TMEM132C: variants seen among roughly 807,000 people sequenced by gnomAD.
TMEM132C encodes transmembrane protein 132C, also known as protein phosphatase 1, regulatory subunit 152.
In TMEM132C, 29 loss-of-function variants were observed where a neutral mutation model predicts 61.4. The observed-to-expected ratio is 0.47, with a 90% CI of 0.35 to 0.64. The LOEUF is 0.64. Ranked by LOEUF, TMEM132C falls within the 30% of genes least tolerant of loss-of-function variation. The pLI, the probability that TMEM132C is intolerant of heterozygous loss-of-function variation, is 0.00. For missense variants in TMEM132C, 1,408 were observed against 1,476.9 expected (o/e 0.95, Z 0.76); for synonymous variants, 656 against 633.1 (o/e 1.04, Z -0.54).
At chr12:128,681,137 G>A (rs1343036643) in intron 5 of TMEM132C, among the ~76,000 whole-genome samples, 1 of 151,942 alleles carries the variant, frequency 6.6e-6, no homozygotes, top group Non-Finnish European at 1.5e-5. Context: ...TGAATCCCAT[G>A]CCCAGCTAAT....
intron 5 of TMEM132C, among the ~76,000 whole-genome samples, chr12:128,684,020 C>A (rs1954655877): frequency 6.8e-6 from 1 of 147,274 alleles, no homozygotes; most frequent in Admixed American, 6.8e-5. Flanking sequence ...ATGTTGGTGC[C>A]TCTTATTGAA....
chr12:128,539,359 G>A (rs1261737971), intron 2 of TMEM132C, among the ~76,000 whole-genome samples: 2 of 152,218 alleles, frequency 1.3e-5, no homozygotes, highest in African/African-American at 4.8e-5. Flanking sequence ...TCTCACACCT[G>A]TAATCCCAGC....
intron 2 of TMEM132C, among the ~76,000 whole-genome samples, chr12:128,438,633 C>T (rs1281281921): frequency 6.6e-6 from 1 of 152,182 alleles, no homozygotes; most frequent in Non-Finnish European, 1.5e-5. Context: ...CATAAATTAA[C>T]TATTTTAAAG....
At chr12:128,306,470 G>A (rs1253844060) in intron 1 of TMEM132C, among the ~76,000 whole-genome samples, 6 of 152,130 alleles carry the variant, frequency 3.9e-5, no homozygotes, top group South Asian at 2.1e-4. Flanking sequence ...CCAAAGTGCT[G>A]GGATTACAGG....
chr12:128,321,852 G>A (rs1314860354), intron 1 of TMEM132C, among the ~76,000 whole-genome samples: 3 of 152,180 alleles, frequency 2.0e-5, no homozygotes, highest in African/African-American at 7.2e-5. Context: ...CATTCTCGGA[G>A]ATCACCTCTT....
chr12:128,368,536 C>G (rs555538866), intron 1 of TMEM132C, among the ~76,000 whole-genome samples: 1 of 152,310 alleles, frequency 6.6e-6, no homozygotes, highest in South Asian at 2.1e-4. Flanking sequence ...ATAGTCATCA[C>G]TCTGGAAATG....
chr12:128,321,628 A>G (rs992668194), intron 1 of TMEM132C, among the ~76,000 whole-genome samples: 5 of 152,236 alleles, frequency 3.3e-5, no homozygotes, highest in African/African-American at 1.2e-4. Context: ...ACACAACCAC[A>G]TGTACATGTG....
intron 3 of TMEM132C, among the ~76,000 whole-genome samples, chr12:128,599,886 G>A (rs1018454872): frequency 6.6e-6 from 1 of 152,158 alleles, no homozygotes; most frequent in African/African-American, 2.4e-5. Context: ...GGACCTGGTG[G>A]GAGGTAATTG....
chr12:128,614,847 A>C (rs1876747048), intron 3 of TMEM132C, among the ~76,000 whole-genome samples: 1 of 152,236 alleles, frequency 6.6e-6, no homozygotes, highest in South Asian at 2.1e-4. Flanking sequence ...TTTACTACAC[A>C]GCCAGGGACA....
At chr12:128,700,020 G>T (rs1954793003) in intron 8 of TMEM132C, among the ~76,000 whole-genome samples, 1 of 152,238 alleles carries the variant, frequency 6.6e-6, no homozygotes, top group African/African-American at 2.4e-5. Context: ...GCAGAGGAAA[G>T]TGGGAGAGAG....
At chr12:128,328,071 A>G (rs11059647) in intron 1 of TMEM132C, among the ~76,000 whole-genome samples, 18,446 of 152,020 alleles carry the variant, frequency 0.12, 2,445 homozygotes, top group African/African-American at 0.33. Context: ...AGAGTGCCCT[A>G]GCCAAGGAGA....
At chr12:128,625,553 A>G (rs933927998) in intron 4 of TMEM132C, among the ~76,000 whole-genome samples, 1 of 152,210 alleles carries the variant, frequency 6.6e-6, no homozygotes, top group Non-Finnish European at 1.5e-5. Context: ...CACATCTTAC[A>G]TGGATGGTGG....
intron 3 of TMEM132C, among the ~76,000 whole-genome samples, chr12:128,551,215 C>A (rs184826117): frequency 1.3e-5 from 2 of 151,274 alleles, no homozygotes; most frequent in African/African-American, 2.5e-5. Context: ...AAGAGCCCCC[C>A]CCCTCCCGCT....
intron 2 of TMEM132C, among the ~76,000 whole-genome samples, chr12:128,469,750 A>G (rs7965499): frequency 0.073 from 11,068 of 151,372 alleles, 1,326 homozygotes; most frequent in African/African-American, 0.25. Context: ...ATGTGTGTGT[A>G]TATATATACA....
intron 1 of TMEM132C, among the ~76,000 whole-genome samples, chr12:128,280,700 T>A (rs1870863703): frequency 6.6e-6 from 1 of 152,230 alleles, no homozygotes; most frequent in Non-Finnish European, 1.5e-5. Flanking sequence ...CCTGTTATAC[T>A]GTTGGCTTCC....
intron 5 of TMEM132C, among the ~76,000 whole-genome samples, chr12:128,683,105 G>T (rs1274722138): frequency 6.6e-6 from 1 of 152,138 alleles, no homozygotes; most frequent in Non-Finnish European, 1.5e-5. Flanking sequence ...CTGCACGCGT[G>T]GTGCGGTCAG....
chr12:128,447,542 C>T (rs945526613), intron 2 of TMEM132C, among the ~76,000 whole-genome samples: 1 of 152,070 alleles, frequency 6.6e-6, no homozygotes, highest in African/African-American at 2.4e-5. Flanking sequence ...AATAGAAACC[C>T]TTATGCATAG....
chr12:128,282,872 G>A (rs978656032), intron 1 of TMEM132C, among the ~76,000 whole-genome samples: 1 of 152,190 alleles, frequency 6.6e-6, no homozygotes, highest in Non-Finnish European at 1.5e-5. Context: ...GGGCAGGAAT[G>A]CTCCAGACAG....
chr12:128,540,277 CAG>C (rs1286642887), intron 2 of TMEM132C, among the ~76,000 whole-genome samples: 1 of 152,130 alleles, frequency 6.6e-6, no homozygotes, highest in African/African-American at 2.4e-5. Flanking sequence ...TGTTTTGAGA[CAG>C]AGTTTCGCTC....
Sources: gnomAD v4.1 joint callset for allele counts (sites outside exome capture counted in the v4.1 genomes callset) on GRCh38, gnomAD v4.1.1 for gene constraint, MANE v1.5 for transcripts, NCBI Gene and HGNC (gene_info 2026-07-23, HGNC 2026-07-21) for gene names.